ADAMTS18: variants seen among roughly 807,000 people sequenced by gnomAD.
The protein encoded by ADAMTS18 is ADAM metallopeptidase with thrombospondin type 1 motif 18.
A neutral mutation model predicts 165.9 loss-of-function variants in ADAMTS18; 157 were observed. That is an observed-to-expected ratio of 0.95 (90% confidence interval 0.83 to 1.08). The LOEUF (loss-of-function observed/expected upper bound fraction) is 1.08, where lower values mean the gene tolerates loss of function less well. ADAMTS18 is among the 50% of genes least tolerant of loss of function. The probability of loss-of-function intolerance (pLI) is 0.00; values close to 1 mark genes in which losing one functional copy is unlikely to be tolerated. For missense variants in ADAMTS18, 2,040 were observed against 1,534.0 expected, an observed-to-expected ratio of 1.33 and a Z score of -5.51; for synonymous variants, 782 against 578.2, an observed-to-expected ratio of 1.35 and a Z score of -5.06.
intron 3 of ADAMTS18, among the ~76,000 whole-genome samples, chr16:77,379,547 G>T (rs2057002062): frequency 6.6e-6 from 1 of 152,104 alleles, no homozygotes; most frequent in African/African-American, 2.4e-5. Flanking sequence ...GGAGTACAGT[G>T]GAGCTATTTC....
At chr16:77,315,224 T>C (rs2173749) in intron 16 of ADAMTS18, among the ~76,000 whole-genome samples, 76,727 of 151,760 alleles carry the variant, frequency 0.51, 20,119 homozygotes, top group African/African-American at 0.54. Context: ...GCTTTTGAAA[T>C]CTGAATAATA....
rs142159169 is a variant in ADAMTS18, at chr16:77,341,419, A to G, written c.1710+285T>C. Among the ~76,000 whole-genome samples, 296 of 152,274 alleles carry G rather than the reference A, an allele frequency of 1.9e-3. 1 individual carries two copies. Among genetic ancestry groups the G allele is most frequent in the Non-Finnish European group, 3.5e-3 (237 of 68,028 alleles). ...ACCACAAGTTTAAAAGGAAAATGGT[A>G]TGCAATGAAACCTGTAAGCTCATTG... On this transcript the variant is annotated intron_variant, in intron 11 of 22. Transcript: ENST00000282849.
chr16:77,387,383 T>C (rs985239794), intron 3 of ADAMTS18, among the ~76,000 whole-genome samples: 11 of 152,188 alleles, frequency 7.2e-5, no homozygotes, highest in Non-Finnish European at 1.2e-4. Context: ...TGTCACGGGA[T>C]AAATTATATT....
chr16:77,418,207 A>G (rs756452820), intron 3 of ADAMTS18, among the ~76,000 whole-genome samples: 4 of 152,188 alleles, frequency 2.6e-5, no homozygotes, highest in Non-Finnish European at 5.9e-5. Flanking sequence ...CCATTCATAC[A>G]TAGTCTCAGC....
chr16:77,410,842 T>A lies in ADAMTS18; in HGVS notation c.495+20453A>T, dbSNP rs149086846. Reference sequence around the variant, plus strand: ...AACCCCTTCTAGCACCCAGCCAATATGGCAACAGAAATGCATTTAGTGCGA... The same window carrying A: ...AACCCCTTCTAGCACCCAGCCAATAAGGCAACAGAAATGCATTTAGTGCGA... On this transcript the variant is annotated intron_variant, in intron 3 of 22. Coordinates refer to ENST00000282849, the MANE Select transcript of ADAMTS18 (RefSeq NM_199355.4). Among the ~76,000 whole-genome samples the A allele has an allele frequency of 2.3e-3, 352 of 152,318 alleles. 1 individual carries two copies. The highest frequency in any genetic ancestry group is 8.2e-3 in the African/African-American group (340 of 41,570).
At chr16:77,420,079 G>A (rs950070095) in intron 3 of ADAMTS18, among the ~76,000 whole-genome samples, 2 of 140,518 alleles carry the variant, frequency 1.4e-5, no homozygotes, top group African/African-American at 2.7e-5. Flanking sequence ...ACACCCCTTC[G>A]AAGCCTTTTT....
intron 16 of ADAMTS18, among the ~76,000 whole-genome samples, chr16:77,309,332 T>A (rs180975657): frequency 6.6e-6 from 1 of 152,270 alleles, no homozygotes; most frequent in Admixed American, 6.5e-5. Context: ...AAAAACTTGA[T>A]TGATTTAAAT....
Position 77,283,768 on chromosome 16 carries a change from C to G in ADAMTS18, c.*188G>C. On this transcript the variant is annotated 3_prime_UTR_variant, in exon 23 of 23. Coordinates refer to ENST00000282849, the MANE Select transcript of ADAMTS18 (RefSeq NM_199355.4). ...CCCATTTTCAAGTGCTTCAGAGTAC[C>G]ACGTGCTTCAGGGAATTGAGCTAGA... is the stretch of plus-strand genomic sequence containing the variant. The G allele has an allele frequency of 1.7e-6, 1 of 592,310 alleles. No individual in the cohort carries two copies. Among genetic ancestry groups the G allele is most frequent in the Non-Finnish European group, 3.0e-6 (1 of 331,514 alleles). The allele number at this position is 592,310 out of a possible 1,614,324, so 36.7% of individuals were successfully genotyped here. A position where few individuals can be genotyped will look rare whatever the true frequency, so the allele number is the denominator to read the frequency against.
intron 16 of ADAMTS18, among the ~76,000 whole-genome samples, chr16:77,309,000 A>G (rs539884460): frequency 6.6e-6 from 1 of 152,354 alleles, no homozygotes; most frequent in African/African-American, 2.4e-5. Context: ...CTCTATTAAA[A>G]TAAAAGCTAC....
At chr16:77,310,160 T>C (rs564929361) in intron 16 of ADAMTS18, among the ~76,000 whole-genome samples, 160 of 152,322 alleles carry the variant, frequency 1.1e-3, no homozygotes, top group African/African-American at 3.7e-3. Context: ...TCTCCTTTTA[T>C]GTTTTGCTTC....
intron 16 of ADAMTS18, among the ~76,000 whole-genome samples, chr16:77,311,659 T>C (rs183010841): frequency 9.2e-5 from 14 of 151,982 alleles, no homozygotes; most frequent in Non-Finnish European, 1.6e-4. Context: ...TAACCTAAAT[T>C]ATTTGAAAAG....
chr16:77,384,465 A>G (rs2057077233), intron 3 of ADAMTS18, among the ~76,000 whole-genome samples: 1 of 152,190 alleles, frequency 6.6e-6, no homozygotes, highest in Non-Finnish European at 1.5e-5. Flanking sequence ...CTGGCGTGAC[A>G]CTCAAATCAT....
At chr16:77,285,295 C>G (rs77290110) in intron 22 of ADAMTS18, among the ~76,000 whole-genome samples, 2 of 152,154 alleles carry the variant, frequency 1.3e-5, no homozygotes, top group South Asian at 4.1e-4. Context: ...GCGTAAGCCT[C>G]CTGGGTAGCT....
intron 17 of ADAMTS18, among the ~76,000 whole-genome samples, chr16:77,298,072 G>T (rs2055509406): frequency 1.3e-5 from 2 of 151,848 alleles, no homozygotes; most frequent in African/African-American, 4.8e-5. Flanking sequence ...TTACAGGTGT[G>T]TGACACCATA....
chr16:77,383,983 AT>A (rs2057070594), intron 3 of ADAMTS18, among the ~76,000 whole-genome samples: 1 of 152,108 alleles, frequency 6.6e-6, no homozygotes, highest in Non-Finnish European at 1.5e-5. Flanking sequence ...AACAGCCTTT[AT>A]CATGACATGA....
chr16:77,296,708 T>G (rs1158088628), intron 18 of ADAMTS18, among the ~76,000 whole-genome samples: 1 of 152,098 alleles, frequency 6.6e-6, no homozygotes, highest in East Asian at 1.9e-4. Flanking sequence ...TAATCCCAGC[T>G]ACTAAGGTGG....
intron 12 of ADAMTS18, among the ~76,000 whole-genome samples, chr16:77,334,884 TTATAA>T (rs1175775860): frequency 7.6e-6 from 1 of 131,662 alleles, no homozygotes; most frequent in African/African-American, 3.0e-5. Context: ...GCACTATATA[TTATAA>T]TATACAGTAT....
At chr16:77,415,545 G>T (rs950787029) in intron 3 of ADAMTS18, among the ~76,000 whole-genome samples, 1 of 151,954 alleles carries the variant, frequency 6.6e-6, no homozygotes, top group African/African-American at 2.4e-5. Context: ...CGATCTTGTT[G>T]CCTGTTTATT....
chr16:77,404,744 T>C (rs955620572), intron 3 of ADAMTS18, among the ~76,000 whole-genome samples: 1 of 152,110 alleles, frequency 6.6e-6, no homozygotes. Flanking sequence ...GCGTCTAAGG[T>C]GACTGATTCT....
Sources: gnomAD v4.1 joint callset for allele counts (sites outside exome capture counted in the v4.1 genomes callset) on GRCh38, gnomAD v4.1.1 for gene constraint, MANE v1.5 for transcripts, NCBI Gene and HGNC (gene_info 2026-07-23, HGNC 2026-07-21) for gene names.